The following GALNT14 variants were observed in gnomAD, a reference collection of about 807,000 sequenced individuals.
GALNT14 encodes the protein polypeptide N-acetylgalactosaminyltransferase 14, also known as UDP-GalNAc:polypeptide N-acetylgalactosaminyltransferase 14.
Under a neutral mutation model 77.5 loss-of-function variants are expected in GALNT14, and 60 were observed. The observed-to-expected ratio is 0.77, with a 90% CI of 0.63 to 0.96. The LOEUF (loss-of-function observed/expected upper bound fraction) is 0.96, where lower values mean the gene tolerates loss of function less well. GALNT14 is among the 40% of genes least tolerant of loss of function. GALNT14 has a pLI of 0.00. For synonymous variants in GALNT14, 280 were observed against 281.7 expected, an observed-to-expected ratio of 0.99 and a Z score of 0.06; for missense variants, 710 against 731.0, an observed-to-expected ratio of 0.97 and a Z score of 0.33.
In GALNT14 at chr2:30,958,421, A is replaced by C; in HGVS notation, c.442T>G (p.Leu148Val). Residue 148 changes from leucine to valine, a missense_variant, in exon 4 of 15, where the codon TTA (leucine) becomes GTA (valine). Coordinates refer to ENST00000349752, the MANE Select transcript of GALNT14 (RefSeq NM_024572.4). ...CGGTCATTGCTGAAGTCATCCACTA[A>C]TATGATTTCCCGGATCAGATGCGTA... ...TPTHLIREII[L>V]VDDFSNDPDD... 6.2e-7 allele frequency: 1 copy of C among 1,614,124 alleles called. No homozygotes were observed. The highest frequency in any genetic ancestry group is 1.3e-5 in the African/African-American group (1 of 75,050).
At chr2:30,954,607 T>C (rs185713350) in intron 6 of GALNT14, among the ~76,000 whole-genome samples, 3 of 152,368 alleles carry the variant, frequency 2.0e-5, no homozygotes, top group African/African-American at 7.2e-5. Context: ...CTCATTGGAA[T>C]GAACAATGTT....
chr2:30,902,154 C>T, the GALNT14 span, among the ~76,000 whole-genome samples: 1 of 152,188 alleles, frequency 6.6e-6, no homozygotes, highest in Admixed American at 6.5e-5. Context: ...AAAGGCATCC[C>T]TGGGGCTGGA....
rs116057537 is a variant in GALNT14, at chr2:31,018,212, G to A, written c.130-25205C>T. ...CCTCCAGGTACCCCTGGCCCAGGCCGAGAAAGAGCCAGCTCCGAAGGACTT... is the reference window on the plus strand; with the variant it reads ...CCTCCAGGTACCCCTGGCCCAGGCCAAGAAAGAGCCAGCTCCGAAGGACTT... On this transcript the variant is annotated intron_variant, in intron 1 of 14. Coordinates refer to ENST00000349752, the MANE Select transcript of GALNT14 (RefSeq NM_024572.4). Among the ~76,000 whole-genome samples the A allele has an allele frequency of 4.6e-3, 700 of 152,374 alleles. 4 individuals carry two copies. Among genetic ancestry groups the A allele is most frequent in the African/African-American group, 0.015 (608 of 41,594 alleles).
At chr2:30,969,421 G>A (rs1668206582) in intron 2 of GALNT14, among the ~76,000 whole-genome samples, 1 of 152,218 alleles carries the variant, frequency 6.6e-6, no homozygotes, top group African/African-American at 2.4e-5. Context: ...GGGCAAGTTG[G>A]GGAGGGAGGT....
intron 1 of GALNT14, among the ~76,000 whole-genome samples, chr2:31,092,764 T>TAC (rs1199784164): frequency 1.3e-5 from 2 of 152,188 alleles, no homozygotes; most frequent in Admixed American, 6.5e-5. Flanking sequence ...ATGTACAGTG[T>TAC]AGTGAATATA....
intron 1 of GALNT14, among the ~76,000 whole-genome samples, chr2:31,046,309 C>T (rs909311950): frequency 4.0e-5 from 6 of 151,506 alleles, no homozygotes; most frequent in Middle Eastern, 3.5e-3. Context: ...TCACTGCAAC[C>T]TCCACCTCCT....
At chr2:31,029,990 C>T (rs537207458) in intron 1 of GALNT14, among the ~76,000 whole-genome samples, 22 of 152,284 alleles carry the variant, frequency 1.4e-4, no homozygotes, top group East Asian at 3.9e-4. Context: ...CTCTGCTCTG[C>T]GCAGGCACAG....
At chr2:30,980,803 C>T (rs1170110145) in intron 2 of GALNT14, among the ~76,000 whole-genome samples, 8 of 152,216 alleles carry the variant, frequency 5.3e-5, no homozygotes, top group Admixed American at 3.3e-4. Flanking sequence ...AGGCATGGGC[C>T]GAGCGCGGTG....
the GALNT14 span, among the ~76,000 whole-genome samples, chr2:30,892,553 C>T: frequency 6.6e-6 from 1 of 152,112 alleles, no homozygotes; most frequent in African/African-American, 2.4e-5. Context: ...CACTGACTGC[C>T]CTTTGTCTGG....
At chr2:30,907,673 C>G (rs1422296197), downstream of GALNT14, among the ~76,000 whole-genome samples, 51 of 150,476 alleles carry the variant, frequency 3.4e-4, no homozygotes, top group Non-Finnish European at 1.0e-4. Flanking sequence ...CTATTCCAAT[C>G]AATAGAAAAA....
intron 1 of GALNT14, among the ~76,000 whole-genome samples, chr2:31,098,767 T>C (rs1223899413): frequency 2.6e-5 from 4 of 152,132 alleles, no homozygotes; most frequent in African/African-American, 7.2e-5. Flanking sequence ...CATTAGCACA[T>C]ATTTTGTAAT....
intron 1 of GALNT14, among the ~76,000 whole-genome samples, chr2:31,134,157 G>A (rs1446593973): frequency 6.6e-6 from 1 of 152,178 alleles, no homozygotes; most frequent in Non-Finnish European, 1.5e-5. Context: ...CTGCCTCTCC[G>A]AAGGCAATCT....
intron 1 of GALNT14, among the ~76,000 whole-genome samples, chr2:31,088,585 C>G (rs1180572929): frequency 6.6e-6 from 1 of 152,188 alleles, no homozygotes; most frequent in African/African-American, 2.4e-5. Flanking sequence ...CTGTGGAACT[C>G]TAACGAACCC....
chr2:31,032,118 C>T, intron 1 of GALNT14, among the ~76,000 whole-genome samples: 1 of 152,184 alleles, frequency 6.6e-6, no homozygotes, highest in East Asian at 1.9e-4. Context: ...CAAAATGGGT[C>T]CTTGAGGCCT....
At chr2:30,895,162 A>G in the GALNT14 span, among the ~76,000 whole-genome samples, 1 of 152,184 alleles carries the variant, frequency 6.6e-6, no homozygotes, top group Admixed American at 6.5e-5. Flanking sequence ...CATCTTGAAG[A>G]CCTGGCTGGC....
chr2:31,039,663 A>C (rs1672981727), intron 1 of GALNT14, among the ~76,000 whole-genome samples: 2 of 149,802 alleles, frequency 1.3e-5, no homozygotes, highest in African/African-American at 4.9e-5. Context: ...TGAAGGGAGA[A>C]GAATCCATAT....
intron 1 of GALNT14, among the ~76,000 whole-genome samples, chr2:31,063,316 A>T (rs1674721804): frequency 6.6e-6 from 1 of 152,198 alleles, no homozygotes; most frequent in Non-Finnish European, 1.5e-5. Context: ...TCAAATAGGG[A>T]ATCCTTTCCC....
intron 1 of GALNT14, among the ~76,000 whole-genome samples, chr2:31,072,364 T>A (rs6543598): frequency 6.6e-6 from 1 of 150,658 alleles, no homozygotes; most frequent in Non-Finnish European, 1.5e-5. Flanking sequence ...AATTTTTGTC[T>A]CTCTTGCTCT....
chr2:30,982,011 C>A (rs1368178857), intron 2 of GALNT14, among the ~76,000 whole-genome samples: 1 of 152,182 alleles, frequency 6.6e-6, no homozygotes, highest in Non-Finnish European at 1.5e-5. Context: ...GAGGGGGGAA[C>A]TGACAGCCAG....
Sources: gnomAD v4.1 joint callset for allele counts (sites outside exome capture counted in the v4.1 genomes callset) on GRCh38, gnomAD v4.1.1 for gene constraint, MANE v1.5 for transcripts, NCBI Gene and HGNC (gene_info 2026-07-23, HGNC 2026-07-21) for gene names.